The following PLCXD1 variants were observed in gnomAD, a reference collection of about 807,000 sequenced individuals.
The protein encoded by PLCXD1 is phosphatidylinositol specific phospholipase C X domain containing 1.
PLCXD1 carries 45 observed loss-of-function variants against 37.8 expected under a neutral mutation model. The ratio of observed to expected loss-of-function variants is 1.19; its 90% CI spans 0.94 to 1.53. The LOEUF (loss-of-function observed/expected upper bound fraction) is 1.53. Ranked by LOEUF, PLCXD1 falls within the 40% of genes most tolerant of loss-of-function variation. The pLI, the probability that PLCXD1 is intolerant of heterozygous loss-of-function variation, is 0.00. For synonymous variants in PLCXD1, 246 were observed against 206.9 expected (o/e 1.19, Z -1.62); for missense variants, 539 against 454.7 (o/e 1.19, Z -1.69).
intron 2 of PLCXD1, among the ~76,000 whole-genome samples, chrX:287,309 T>G (rs1303892138): frequency 7.0e-6 from 1 of 143,744 alleles, no homozygotes; most frequent in Non-Finnish European, 1.5e-5. Flanking sequence ...GATACATAAG[T>G]ACATTTATAT....
chrX:284,607 C>T (rs1260967405), intron 2 of PLCXD1, among the ~76,000 whole-genome samples: 9 of 17,006 alleles, frequency 5.3e-4, no homozygotes, highest in East Asian at 4.6e-3. Flanking sequence ...CACGCACACA[C>T]GCACACATGC....
upstream of PLCXD1, among the ~76,000 whole-genome samples, chrX:279,683 CGAA>C: frequency 1.3e-5 from 2 of 149,636 alleles, no homozygotes; most frequent in Admixed American, 1.3e-4. Flanking sequence ...CTGAGGCAGG[CGAA>C]TAGCTTGAAT....
Position 299,720 on chromosome X carries a change from G to C in PLCXD1, c.*385G>C, listed in dbSNP as rs1453025002. The C allele has an allele frequency of 3.3e-6, 1 of 304,022 alleles. No homozygotes were observed. The highest frequency in any genetic ancestry group is 2.2e-5 in the African/African-American group (1 of 45,850). The allele number at this position is 304,022 out of a possible 1,614,324, so 18.8% of individuals were successfully genotyped here. A position where few individuals can be genotyped will look rare whatever the true frequency, so the allele number is the denominator to read the frequency against. Reference sequence around the variant, plus strand: ...TGCATTGAGCTGACATCGTGCCACTGCACTCCAGTCTGAATGATAGACCGA... The same window carrying C: ...TGCATTGAGCTGACATCGTGCCACTCCACTCCAGTCTGAATGATAGACCGA... On this transcript the variant is annotated 3_prime_UTR_variant, in exon 7 of 7. Coordinates refer to ENST00000381657, the MANE Select transcript of PLCXD1 (RefSeq NM_018390.4).
At position 293,231 on chromosome X, in the gene PLCXD1, C is replaced by A; in HGVS notation, c.733+13C>A. On this transcript the variant is annotated intron_variant, in intron 6 of 6. Transcript: ENST00000381657. ...TGCGGCCGCCCAGGTACCAGGTCGCCCCTCGTGGGGGTAGATTCCACACAG... is the reference window on the plus strand; with the variant it reads ...TGCGGCCGCCCAGGTACCAGGTCGCACCTCGTGGGGGTAGATTCCACACAG... 1 of 1,602,760 alleles carries A rather than the reference C, an allele frequency of 6.2e-7. No individual in the cohort carries two copies. Among genetic ancestry groups the A allele is most frequent in the Non-Finnish European group, 8.5e-7 (1 of 1,172,782 alleles).
In PLCXD1 at chrX:295,369, C is replaced by G. The variant is rs1050268466; in HGVS notation, c.733+2151C>G. 9.2e-5 allele frequency among the ~76,000 whole-genome samples: 14 copies of G among 152,136 alleles called. 1 individual carries two copies. Among genetic ancestry groups the G allele is most frequent in the African/African-American group, 3.4e-4 (14 of 41,536 alleles). ...GGTGGGGCCGTCTCGGTCCTGCAGC[C>G]TGCGGCTGGGTTCTCTCAAGGTGAT... is the stretch of plus-strand genomic sequence containing the variant. On this transcript the variant is annotated intron_variant, in intron 6 of 6. Coordinates refer to ENST00000381657, the MANE Select transcript of PLCXD1 (RefSeq NM_018390.4).
rs184832473 is a variant in PLCXD1, at chrX:290,804, T to G, written c.393+28T>G. On this transcript the variant is annotated intron_variant, in intron 4 of 6. Coordinates refer to ENST00000381657, the MANE Select transcript of PLCXD1 (RefSeq NM_018390.4). Reference sequence around the variant, plus strand: ...GCGGCCGGGCTGAGGTGGGACGCAATGGGGAGAGTGGGAGGCGGCCGGGCA... The same window carrying G: ...GCGGCCGGGCTGAGGTGGGACGCAAGGGGGAGAGTGGGAGGCGGCCGGGCA... 4,139 of 1,544,408 alleles carry G rather than the reference T, an allele frequency of 2.7e-3. 107 individuals carry two copies. The African/African-American group carries it at 0.056, about 21-fold the overall frequency.
chrX:278,464 C>G (rs1282789948), upstream of PLCXD1, among the ~76,000 whole-genome samples: 1 of 152,114 alleles, frequency 6.6e-6, no homozygotes, highest in Non-Finnish European at 1.5e-5. Context: ...GCTGGCCGGG[C>G]ACGGTGGCTC....
chrX:288,389 C>G (rs58614800), intron 2 of PLCXD1, among the ~76,000 whole-genome samples: 3,639 of 152,158 alleles, frequency 0.024, 56 homozygotes, highest in Middle Eastern at 0.065. Context: ...GGCCGCATCA[C>G]TCCAGTCTCT....
At chrX:276,655 C>T (rs2069162926), upstream of PLCXD1, among the ~76,000 whole-genome samples, 1 of 152,138 alleles carries the variant, frequency 6.6e-6, no homozygotes, top group Admixed American at 6.5e-5. Context: ...GGGTCAGAGC[C>T]GCGGAGCCAG....
intron 6 of PLCXD1, among the ~76,000 whole-genome samples, chrX:293,843 G>A (rs1031024582): frequency 2.6e-5 from 4 of 152,192 alleles, no homozygotes; most frequent in Non-Finnish European, 5.9e-5. Context: ...GACAGAAAGA[G>A]GATTTGTGGT....
At chrX:294,750 G>T (rs1314843860) in intron 6 of PLCXD1, among the ~76,000 whole-genome samples, 1 of 152,004 alleles carries the variant, frequency 6.6e-6, no homozygotes, top group East Asian at 1.9e-4. Context: ...GTTGCAGTGG[G>T]CCGAGATCGA....
intron 2 of PLCXD1, among the ~76,000 whole-genome samples, chrX:286,876 A>C (rs2069463474): frequency 6.6e-6 from 1 of 152,010 alleles, no homozygotes; most frequent in South Asian, 2.1e-4. Context: ...AGGGGGCAGC[A>C]GGAGAAGTAC....
Position 290,628 on chromosome X carries a change from AC to A in PLCXD1, c.265-19del. 1 of 1,613,168 alleles carries A rather than the reference AC, an allele frequency of 6.2e-7. No homozygotes were observed. Among genetic ancestry groups the A allele is most frequent in the Non-Finnish European group, 8.5e-7 (1 of 1,179,562 alleles). The stretch of plus-strand genomic sequence containing the variant: ...CGCGGCGCTCAGCCAGGCAGACATG[AC>A]AGCAGCCTCTGTCCACAGGCACTGG... On this transcript the variant is annotated intron_variant, in intron 3 of 6. Transcript: ENST00000381657.
In PLCXD1 at chrX:301,317, A is replaced by G. The variant is rs1467606212; in HGVS notation, c.*1982A>G. On this transcript the variant is annotated 3_prime_UTR_variant, in exon 7 of 7. Transcript: ENST00000381657. Reference sequence around the variant, plus strand: ...GGCACCACCATGCCCAGGTAATTTTATTTTTTTGTAGAGACGTGGTCTGGC... The same window carrying G: ...GGCACCACCATGCCCAGGTAATTTTGTTTTTTTGTAGAGACGTGGTCTGGC... 1.3e-5 allele frequency: 2 copies of G among 150,680 alleles called. No homozygotes were observed. The highest frequency in any genetic ancestry group is 4.9e-5 in the African/African-American group (2 of 40,904). The allele number at this position is 150,680 out of a possible 1,614,324, so 9.3% of individuals were successfully genotyped here.
rs1451404821 is a variant in PLCXD1 at position 291,627 on chromosome X, C to T, written c.522C>T (p.Ile174=). Residue 174 remains isoleucine, a synonymous_variant, in exon 5 of 7, where the codon ATC becomes ATT. Coordinates refer to ENST00000381657, the MANE Select transcript of PLCXD1 (RefSeq NM_018390.4). ...ACCTGGTCGCCTGTATCAAGAACAT[C>T]TTCGGGGACATGCTGTGTCCTCGTG... The part of the protein sequence containing the change: ...HEYLVACIKN[I]FGDMLCPRGE... 5 of 1,612,860 alleles carry T rather than the reference C, an allele frequency of 3.1e-6. No homozygotes were observed. Among genetic ancestry groups the T allele is most frequent in the Non-Finnish European group, 4.2e-6 (5 of 1,179,846 alleles).
intron 6 of PLCXD1, among the ~76,000 whole-genome samples, chrX:295,680 A>G (rs1288974647): frequency 2.0e-5 from 3 of 151,244 alleles, no homozygotes; most frequent in East Asian, 2.0e-4. Context: ...GCCCGCCACC[A>G]CACCCGGCTA....
rs192275219 is a variant in PLCXD1 at position 289,549 on chromosome X, C to T, written c.264+680C>T. ...TTTTTTTGAGACGGAGTCTCACTGC[C>T]GCCCAGGCTGGAGTGCAGTTGGTGC... On this transcript the variant is annotated intron_variant, in intron 3 of 6. Coordinates refer to ENST00000381657, the MANE Select transcript of PLCXD1 (RefSeq NM_018390.4). Among the ~76,000 whole-genome samples the T allele has an allele frequency of 3.2e-3, 438 of 138,002 alleles. 2 individuals are homozygous for T. Among genetic ancestry groups the T allele is most frequent in the African/African-American group, 0.011 (397 of 37,202 alleles). The allele number at this position is 138,002 out of a possible 152,430, so 90.5% of individuals were successfully genotyped here.
At chrX:286,323 C>T (rs1160841992) in intron 2 of PLCXD1, among the ~76,000 whole-genome samples, 3 of 152,080 alleles carry the variant, frequency 2.0e-5, no homozygotes, top group Non-Finnish European at 2.9e-5. Flanking sequence ...CCTCGGCCTC[C>T]CAAAGTGCTG....
At chrX:284,110 C>A in intron 1 of PLCXD1, 57 bp from the exon 2 acceptor site, 1 of 1,438,670 alleles carries the variant, frequency 7.0e-7, no homozygotes, top group Non-Finnish European at 9.7e-7. Flanking sequence ...AGGCTGGTCT[C>A]GAACTCCTGA....
Sources: allele counts gnomAD v4.1 joint callset (sites outside exome capture counted in the v4.1 genomes callset), GRCh38; gene constraint gnomAD v4.1.1; transcripts MANE v1.5; gene names NCBI Gene and HGNC (gene_info 2026-07-23, HGNC 2026-07-21).